The following PARD3 variants were observed in gnomAD, a reference collection of about 807,000 sequenced individuals.
PARD3 encodes the protein par-3 family cell polarity regulator, also known as partitioning defective 3 homolog.
Under a neutral mutation model 155.4 loss-of-function variants are expected in PARD3, and 75 were observed. The ratio of observed to expected loss-of-function variants is 0.48; its 90% CI spans 0.40 to 0.58. The LOEUF (loss-of-function observed/expected upper bound fraction) is 0.58, where lower values mean the gene tolerates loss of function less well. Ranked by LOEUF, PARD3 falls within the 20% of genes least tolerant of loss-of-function variation. The pLI is 0.00. For missense variants in PARD3, 1,642 were observed against 1,721.7 expected (o/e 0.95, Z 0.82); for synonymous variants, 576 against 610.5 (o/e 0.94, Z 0.83).
chr10:34,735,333 A>G (rs1219369863), intron 1 of PARD3, among the ~76,000 whole-genome samples: 1 of 152,196 alleles, frequency 6.6e-6, no homozygotes, highest in African/African-American at 2.4e-5. Flanking sequence ...ATTTGAGAAA[A>G]TATTCTTTTC....
chr10:34,277,911 T>C (rs1955966461), intron 21 of PARD3, among the ~76,000 whole-genome samples: 1 of 152,170 alleles, frequency 6.6e-6, no homozygotes, highest in African/African-American at 2.4e-5. Flanking sequence ...GTTTGCTAAA[T>C]TATACATATT....
rs369319808 is a variant in PARD3 at position 34,357,019 on chromosome 10, C to T, written c.2067+2128G>A. ...GCTGTTTCCTTACTTAAATCATATT[C>T]ATTCACAAAAATTCATATGGAGAAG... On this transcript the variant is annotated intron_variant, in intron 14 of 24. Coordinates refer to ENST00000374788, the MANE Select transcript of PARD3 (RefSeq NM_001184785.2). Among the ~76,000 whole-genome samples, 45 of 152,300 alleles carry T rather than the reference C, an allele frequency of 3.0e-4. No homozygotes were observed. In the South Asian group the frequency reaches 8.7e-3, roughly 29 times the overall value.
intron 1 of PARD3, among the ~76,000 whole-genome samples, chr10:34,708,898 T>C (rs1444748981): frequency 6.6e-6 from 1 of 152,216 alleles, no homozygotes; most frequent in Admixed American, 6.5e-5. Context: ...TGATTCTTAA[T>C]TGTCCATGTG....
intron 2 of PARD3, among the ~76,000 whole-genome samples, chr10:34,558,959 G>C (rs995936282): frequency 6.6e-6 from 1 of 152,070 alleles, no homozygotes; most frequent in Non-Finnish European, 1.5e-5. Context: ...AAGTAAGTAA[G>C]TAAGTAAGTA....
At chr10:34,602,844 C>T (rs2089909996) in intron 2 of PARD3, among the ~76,000 whole-genome samples, 1 of 152,106 alleles carries the variant, frequency 6.6e-6, no homozygotes, top group Non-Finnish European at 1.5e-5. Context: ...ACTATATATC[C>T]TCTTGAATTT....
At chr10:34,173,918 T>A (rs1007774291) in intron 22 of PARD3, among the ~76,000 whole-genome samples, 2 of 152,192 alleles carry the variant, frequency 1.3e-5, no homozygotes, top group African/African-American at 4.8e-5. Flanking sequence ...ATCTCTGTTT[T>A]GAGTTTTGCT....
intron 17 of PARD3, among the ~76,000 whole-genome samples, chr10:34,336,853 T>A (rs543490262): frequency 2.0e-4 from 30 of 152,262 alleles, no homozygotes; most frequent in African/African-American, 7.2e-4. Flanking sequence ...CATCATGAAG[T>A]AACCAAATTC....
At chr10:34,686,581 C>CA (rs1206491320) in intron 2 of PARD3, among the ~76,000 whole-genome samples, 14 of 147,488 alleles carry the variant, frequency 9.5e-5, no homozygotes, top group African/African-American at 9.9e-5. Context: ...ACTAAAAATA[C>CA]AAAAAAAAAA....
intron 9 of PARD3, 101 bp downstream of exon 9, chr10:34,382,439 T>C (rs1333340599): frequency 2.5e-6 from 3 of 1,212,604 alleles, no homozygotes; most frequent in African/African-American, 3.1e-5. Context: ...TCAGGGTGCT[T>C]TGGGTTAGTA....
intron 22 of PARD3, among the ~76,000 whole-genome samples, chr10:34,198,453 GGTGTGTGTGTGTGT>G (rs59976562): frequency 6.1e-5 from 9 of 147,020 alleles, no homozygotes; most frequent in Middle Eastern, 7.1e-3. Context: ...ATCACTAATT[GGTGTGTGTGTGTGT>G]GTGTGTGTGT....
intron 2 of PARD3, among the ~76,000 whole-genome samples, chr10:34,603,802 A>G (rs1422501985): frequency 1.3e-5 from 2 of 152,202 alleles, no homozygotes; most frequent in African/African-American, 4.8e-5. Flanking sequence ...CAGCAAAAAG[A>G]AAAAGATGGG....
chr10:34,292,720 T>G (rs923802079), intron 20 of PARD3, among the ~76,000 whole-genome samples: 1 of 136,836 alleles, frequency 7.3e-6, no homozygotes, highest in Non-Finnish European at 1.7e-5. Context: ...TTTATTATTA[T>G]TATTTTTTTT....
In PARD3 at chr10:34,430,719, G is replaced by A. The variant is rs554042542; in HGVS notation, c.714+19598C>T. Among the ~76,000 whole-genome samples the A allele has an allele frequency of 4.6e-5, 7 of 152,270 alleles. No homozygotes were observed. In the East Asian group the frequency reaches 1.2e-3, roughly 25 times the overall value. On this transcript the variant is annotated intron_variant, in intron 5 of 24. Coordinates refer to ENST00000374788, the MANE Select transcript of PARD3 (RefSeq NM_001184785.2). Reference sequence around the variant, plus strand: ...TCTGGGTCAAGACCATAAGCTGTCCGCTATGGTATTAAAGCTTCTGAACAA... The same window carrying A: ...TCTGGGTCAAGACCATAAGCTGTCCACTATGGTATTAAAGCTTCTGAACAA...
intron 20 of PARD3, 28 bp downstream of exon 20, chr10:34,317,079 A>G (rs2134129169): frequency 6.5e-7 from 1 of 1,527,532 alleles, no homozygotes. Flanking sequence ...GTTTAAGGAG[A>G]TTCTGGTTTG....
intron 2 of PARD3, among the ~76,000 whole-genome samples, chr10:34,667,730 C>A (rs549109413): frequency 9.3e-4 from 142 of 152,180 alleles, no homozygotes; most frequent in Non-Finnish European, 1.7e-3. Context: ...TGACAGCCAG[C>A]TTGAATAGGC....
chr10:34,122,202 T>C (rs997048875), intron 23 of PARD3, among the ~76,000 whole-genome samples: 2 of 152,236 alleles, frequency 1.3e-5, no homozygotes, highest in Non-Finnish European at 2.9e-5. Flanking sequence ...CAGGATTTAG[T>C]AACCAGCTTT....
At chr10:34,246,613 T>C (rs1447376529) in intron 22 of PARD3, among the ~76,000 whole-genome samples, 1 of 151,932 alleles carries the variant, frequency 6.6e-6, no homozygotes, top group Non-Finnish European at 1.5e-5. Flanking sequence ...CAGTCTTTGA[T>C]TCCCACCCTG....
chr10:34,358,848 G>C (rs923736134), intron 14 of PARD3, among the ~76,000 whole-genome samples: 1 of 152,204 alleles, frequency 6.6e-6, no homozygotes, highest in Non-Finnish European at 1.5e-5. Context: ...TGTTGGCTCT[G>C]AGAAGGAAGA....
In PARD3 at chr10:34,382,821, T is replaced by TC; in HGVS notation, c.1117dup (p.Glu373GlyfsTer11). 6.2e-7 allele frequency: 1 copy of TC among 1,614,196 alleles called. No individual in the cohort carries two copies. The highest frequency in any genetic ancestry group is 1.1e-5 in the South Asian group (1 of 91,088). ...ACGGCTTGAATAGTAATTGTTCTTC[T>TC]CACTTTGGGATAGTTGTTCATACTG... On this transcript the variant is annotated frameshift_variant, in exon 9 of 25. Transcript: ENST00000374788. LOFTEE classifies it high-confidence loss of function.
Sources: gnomAD v4.1 joint callset for allele counts (sites outside exome capture counted in the v4.1 genomes callset) on GRCh38, gnomAD v4.1.1 for gene constraint, MANE v1.5 for transcripts, NCBI Gene and HGNC (gene_info 2026-07-23, HGNC 2026-07-21) for gene names.